The following SSH2 variants were observed in gnomAD, a reference collection of about 807,000 sequenced individuals.
SSH2 encodes the protein protein phosphatase Slingshot homolog 2.
In SSH2, 37 loss-of-function variants were observed where a neutral mutation model predicts 135.2. That is an observed-to-expected ratio of 0.27 (90% CI 0.21 to 0.36). The LOEUF (loss-of-function observed/expected upper bound fraction) is 0.36. SSH2 is among the 10% of genes least tolerant of loss of function. The probability of loss-of-function intolerance (pLI) is 1.00; values close to 1 mark genes in which losing one functional copy is unlikely to be tolerated. For missense variants in SSH2, 1,408 were observed against 1,765.3 expected (o/e 0.80, Z 3.63); for synonymous variants, 628 against 646.2 (o/e 0.97, Z 0.43).
chr17:29,772,287 C>T (rs2041603218), intron 3 of SSH2, among the ~76,000 whole-genome samples: 1 of 150,826 alleles, frequency 6.6e-6, no homozygotes, highest in Non-Finnish European at 1.5e-5. Context: ...GCTCTGTTGC[C>T]CAGGCTGGAG....
intron 3 of SSH2, among the ~76,000 whole-genome samples, chr17:29,779,864 G>A (rs114050073): frequency 7.7e-6 from 1 of 129,618 alleles, no homozygotes; most frequent in African/African-American, 2.9e-5. Flanking sequence ...AATGTGATCA[G>A]TTACAGCCAC....
chr17:29,812,309 G>A (rs539994247), intron 2 of SSH2, among the ~76,000 whole-genome samples: 13 of 151,506 alleles, frequency 8.6e-5, no homozygotes, highest in Non-Finnish European at 1.5e-5. Flanking sequence ...TTGAAGATAG[G>A]GTCTTATTTT....
chr17:29,821,006 A>T (rs892742315), intron 2 of SSH2, among the ~76,000 whole-genome samples: 3 of 152,152 alleles, frequency 2.0e-5, no homozygotes, highest in Non-Finnish European at 4.4e-5. Context: ...GAGTCCATGA[A>T]TTCCAAACCA....
chr17:29,799,844 CA>C (rs1289413559), intron 2 of SSH2, among the ~76,000 whole-genome samples: 2 of 152,130 alleles, frequency 1.3e-5, no homozygotes, highest in South Asian at 4.1e-4. Flanking sequence ...GGGACTTATT[CA>C]AGGTCATAAA....
At chr17:29,675,134 A>C (rs1019560197) in intron 8 of SSH2, among the ~76,000 whole-genome samples, 2 of 152,182 alleles carry the variant, frequency 1.3e-5, no homozygotes, top group Non-Finnish European at 1.5e-5. Context: ...TTCCATGAGA[A>C]ACTTACCTGC....
At chr17:29,688,008 G>GTTT (rs201740279) in intron 5 of SSH2, among the ~76,000 whole-genome samples, 2 of 147,510 alleles carry the variant, frequency 1.4e-5, no homozygotes, top group African/African-American at 5.0e-5. Flanking sequence ...AAACATTAGT[G>GTTT]TTTTTTTTTT....
chr17:29,636,886 T>A, intron 14 of SSH2, 84 bp from the exon 15 acceptor site: 1 of 965,328 alleles, frequency 1.0e-6, no homozygotes, highest in East Asian at 2.4e-5. Flanking sequence ...CCCAGATAAA[T>A]CTTAACTTGT....
chr17:29,695,655 T>G (rs1053084362), intron 4 of SSH2, 132 bp from the exon 5 acceptor site: 5 of 685,290 alleles, frequency 7.3e-6, no homozygotes, highest in African/African-American at 1.8e-5. Context: ...ACATAGAAAT[T>G]AAATGATTAT....
intron 1 of SSH2, among the ~76,000 whole-genome samples, chr17:29,886,691 G>A (rs555264174): frequency 6.7e-6 from 1 of 148,166 alleles, no homozygotes; most frequent in East Asian, 2.0e-4. Flanking sequence ...AGGTTGCAGT[G>A]AGCCAAGATC....
intron 3 of SSH2, among the ~76,000 whole-genome samples, chr17:29,787,159 C>G (rs1306259081): frequency 1.4e-4 from 21 of 152,214 alleles, no homozygotes; most frequent in Admixed American, 1.4e-3. Context: ...ATCCATCCCC[C>G]AGTCACCATT....
chr17:29,637,562 G>A (rs568596866), intron 14 of SSH2, among the ~76,000 whole-genome samples: 5 of 152,138 alleles, frequency 3.3e-5, no homozygotes, highest in East Asian at 3.9e-4. Context: ...CGGGCAGATC[G>A]CTTGAGCCCA....
intron 11 of SSH2, among the ~76,000 whole-genome samples, chr17:29,666,119 C>T (rs1318088266): frequency 6.6e-6 from 1 of 152,164 alleles, no homozygotes; most frequent in African/African-American, 2.4e-5. Flanking sequence ...TGCCTGTAAT[C>T]CCAGCACTTT....
At chr17:29,929,840 G>A (rs1213085090) in intron 1 of SSH2, 98 bp downstream of exon 1, 6 of 1,185,444 alleles carry the variant, frequency 5.1e-6, no homozygotes, top group Non-Finnish European at 6.0e-6. Flanking sequence ...CCTGGGAAGC[G>A]GCGCGGCGCG....
intron 3 of SSH2, among the ~76,000 whole-genome samples, chr17:29,759,713 A>G (rs750038971): frequency 1.3e-5 from 2 of 152,220 alleles, no homozygotes; most frequent in Non-Finnish European, 2.9e-5. Context: ...TTAGAATAGT[A>G]TCTTCAAGGT....
chr17:29,767,757 G>C (rs2151267701), intron 3 of SSH2, among the ~76,000 whole-genome samples: 1 of 151,900 alleles, frequency 6.6e-6, no homozygotes, highest in Non-Finnish European at 1.5e-5. Flanking sequence ...AGGAGTATAA[G>C]GCATTTTATT....
At chr17:29,671,060 T>C (rs959111715) in intron 9 of SSH2, among the ~76,000 whole-genome samples, 1 of 152,210 alleles carries the variant, frequency 6.6e-6, no homozygotes, top group Non-Finnish European at 1.5e-5. Context: ...AGCTTTACCT[T>C]AGGCCTTTAT....
In SSH2 at chr17:29,627,738, CT is replaced by C; in HGVS notation, c.*3102del. ...ATGTCTACTACAGTATCCATTAGTC[CT>C]GGGTGTCTCCAAAAATCAAGAAAGG... On this transcript the variant is annotated 3_prime_UTR_variant, in exon 16 of 16. Coordinates refer to ENST00000540801, the MANE Select transcript of SSH2 (RefSeq NM_001282129.2). 1 of 152,690 alleles carries C rather than the reference CT, an allele frequency of 6.5e-6. No individual in the cohort carries two copies. The highest frequency in any genetic ancestry group is 1.9e-4 in the East Asian group (1 of 5,190). 9.5% of individuals were successfully genotyped at this position (152,690 alleles called of 1,614,324 possible). A position where few individuals can be genotyped will look rare whatever the true frequency, so the allele number is the denominator to read the frequency against.
At chr17:29,650,519 A>C in intron 13 of SSH2, 135 bp downstream of exon 13, 1 of 809,184 alleles carries the variant, frequency 1.2e-6, no homozygotes, top group South Asian at 2.9e-5. Flanking sequence ...GATTAAAAAG[A>C]TTTCAGTCTC....
At chr17:29,720,877 C>T in intron 3 of SSH2, among the ~76,000 whole-genome samples, 1 of 152,204 alleles carries the variant, frequency 6.6e-6, no homozygotes, top group East Asian at 1.9e-4. Context: ...TTAATTACCT[C>T]ACAATTTTTC....
Sources: allele counts gnomAD v4.1 joint callset (sites outside exome capture counted in the v4.1 genomes callset), GRCh38; gene constraint gnomAD v4.1.1; transcripts MANE v1.5; gene names NCBI Gene and HGNC (gene_info 2026-07-23, HGNC 2026-07-21).